The following TBXAS1 variants were observed in gnomAD, a reference collection of about 807,000 sequenced individuals.
TBXAS1 encodes the protein thromboxane A synthase 1.
Under a neutral mutation model 60.7 loss-of-function variants are expected in TBXAS1, and 48 were observed. The ratio of observed to expected loss-of-function variants is 0.79; its 90% CI spans 0.63 to 1.01. The LOEUF is 1.01. Among genes scored for constraint, TBXAS1 ranks in the 50% least tolerant of loss-of-function variants. The pLI is 0.00. For missense variants in TBXAS1, 685 were observed against 686.3 expected, an observed-to-expected ratio of 1.00 and a Z score of 0.02; for synonymous variants, 287 against 269.7, an observed-to-expected ratio of 1.06 and a Z score of -0.63.
At chr7:139,889,633 C>T (rs760818345) in intron 3 of TBXAS1, among the ~76,000 whole-genome samples, 2 of 152,304 alleles carry the variant, frequency 1.3e-5, no homozygotes, top group Admixed American at 1.3e-4. Flanking sequence ...AAGGAACCAA[C>T]AGATTCATTG....
rs201367497 is a variant in TBXAS1, at chr7:139,836,035, AAAATAAATAAAT to A, written c.89+6596_89+6607del. Among the ~76,000 whole-genome samples the A allele has an allele frequency of 9.6e-3, 1,343 of 140,378 alleles. 11 individuals are homozygous for A. Among genetic ancestry groups the A allele is most frequent in the South Asian group, 0.019 (84 of 4,400 alleles). The allele number at this position is 140,378 out of a possible 152,430, so 92.1% of individuals were successfully genotyped here. On this transcript the variant is annotated intron_variant, in intron 1 of 12. Transcript: ENST00000448866. ...GTCAACCCCTTTTACAATAGCTGCA[AAAATAAATAAAT>A]AAATAAATAAATAAATAAATAAATA...
chr7:139,901,822 G>A (rs1804605031), intron 3 of TBXAS1, among the ~76,000 whole-genome samples: 1 of 152,006 alleles, frequency 6.6e-6, no homozygotes, highest in Non-Finnish European at 1.5e-5. Context: ...ATCAGAATCT[G>A]AGAGCTGGTT....
intron 1 of TBXAS1, among the ~76,000 whole-genome samples, chr7:139,842,973 C>T (rs550547607): frequency 3.9e-5 from 6 of 152,338 alleles, no homozygotes; most frequent in African/African-American, 1.4e-4. Context: ...TCCACCAATG[C>T]CTTGTTTCCC....
chr7:139,869,847 C>T (rs1196882307), intron 1 of TBXAS1, among the ~76,000 whole-genome samples: 2 of 152,060 alleles, frequency 1.3e-5, no homozygotes, highest in Admixed American at 6.6e-5. Flanking sequence ...GGGTTAAGAA[C>T]GTGTTGAGAC....
intron 9 of TBXAS1, among the ~76,000 whole-genome samples, chr7:139,995,670 T>C (rs571238603): frequency 1.3e-5 from 2 of 152,340 alleles, no homozygotes; most frequent in South Asian, 2.1e-4. Flanking sequence ...TGTGAAGTTG[T>C]AGTCCTTTGA....
chr7:139,996,862 G>A (rs754876179), intron 9 of TBXAS1, among the ~76,000 whole-genome samples: 1 of 152,214 alleles, frequency 6.6e-6, no homozygotes, highest in Non-Finnish European at 1.5e-5. Context: ...TGCTGATAAG[G>A]CTTCTCTCTT....
Position 139,778,592 on chromosome 7 carries a change from G to C in TBXAS1, c.-318+121G>C, listed in dbSNP as rs1311892253. The C allele has an allele frequency of 6.6e-6, 1 of 152,330 alleles. No homozygotes were observed. The highest frequency in any genetic ancestry group is 1.5e-5 in the Non-Finnish European group (1 of 68,094). The allele number at this position is 152,330 out of a possible 1,614,324, so 9.4% of individuals were successfully genotyped here. On this transcript the variant is annotated intron_variant, in intron 1 of 16. Coordinates refer to the TBXAS1 transcript ENST00000336425. This position sits in a 1 kb window ranked among gnomAD's most constrained non-coding sequence, Gnocchi z 4.8. ...GAGGCACCGAAGCCCTGCCGTGCACGCCGCGGAAATGCAGCCCCCGGGGTG... is the reference window on the plus strand; with the variant it reads ...GAGGCACCGAAGCCCTGCCGTGCACCCCGCGGAAATGCAGCCCCCGGGGTG...
At chr7:139,792,155 G>A (rs1261233601) in intron 4 of TBXAS1, among the ~76,000 whole-genome samples, 3 of 152,144 alleles carry the variant, frequency 2.0e-5, no homozygotes, top group Non-Finnish European at 4.4e-5. Context: ...GAATATTCCT[G>A]TCCTAAAAGG....
At chr7:139,940,716 A>C (rs1446001391) in intron 5 of TBXAS1, among the ~76,000 whole-genome samples, 1 of 152,178 alleles carries the variant, frequency 6.6e-6, no homozygotes, top group Admixed American at 6.5e-5. Flanking sequence ...CTTCTGCTAG[A>C]TGGATGCTTC....
intron 9 of TBXAS1, among the ~76,000 whole-genome samples, chr7:139,984,932 G>GA (rs1475763365): frequency 4.0e-4 from 32 of 79,630 alleles, no homozygotes; most frequent in Non-Finnish European, 5.4e-4. Flanking sequence ...AGGAAAGAAA[G>GA]AAAGAAAGAA....
Position 139,916,688 on chromosome 7 carries a change from A to T in TBXAS1, c.333+5367A>T, listed in dbSNP as rs187263104. ...GACTAAAGTTATAGGCAAATTAGTC[A>T]CTGGAAACCTTCCTGTCCTCTGTAT... is the stretch of plus-strand genomic sequence containing the variant. On this transcript the variant is annotated intron_variant, in intron 4 of 12. Transcript: ENST00000448866. This position sits in a 1 kb window ranked among gnomAD's most constrained non-coding sequence, Gnocchi z 4.2. 1.3e-3 allele frequency among the ~76,000 whole-genome samples: 191 copies of T among 152,354 alleles called. 2 individuals carry two copies. The highest frequency in any genetic ancestry group is 4.4e-3 in the African/African-American group (183 of 41,582).
intron 9 of TBXAS1, among the ~76,000 whole-genome samples, chr7:139,984,630 GAGAGAGAGAGAGAA>G (rs1054604322): frequency 5.0e-5 from 6 of 119,354 alleles, no homozygotes; most frequent in African/African-American, 1.4e-4. Context: ...GAGAGAGAGA[GAGAGAGAGAGAGAA>G]AGAAAGAAAG....
intron 10 of TBXAS1, among the ~76,000 whole-genome samples, chr7:140,012,124 G>A (rs1353087292): frequency 6.6e-6 from 1 of 152,220 alleles, no homozygotes; most frequent in East Asian, 1.9e-4. Context: ...TTGCTACGTT[G>A]GGAGGGTATC....
rs5766 is a variant in TBXAS1, at chr7:139,911,325, C to T, written c.333+4C>T. 1,124 of 1,612,190 alleles carry T rather than the reference C, an allele frequency of 7.0e-4. 1 individual carries two copies. Among genetic ancestry groups the T allele is most frequent in the Non-Finnish European group, 9.2e-4 (1,079 of 1,178,272 alleles). On this transcript the variant is annotated splice_donor_region_variant and intron_variant, in intron 4 of 12. Transcript: ENST00000448866. The stretch of plus-strand genomic sequence containing the variant: ...CAGTAACTTTACCAACAGAATGGTA[C>T]GTAGTTTTCTTTCCGCATATAGATG...
intron 4 of TBXAS1, among the ~76,000 whole-genome samples, chr7:139,787,794 G>A (rs1052270187): frequency 6.6e-6 from 1 of 152,062 alleles, no homozygotes; most frequent in Non-Finnish European, 1.5e-5. Context: ...TCTTTTTCCT[G>A]TGGATTTCTT....
At position 139,993,627 on chromosome 7, in the gene TBXAS1, A is replaced by T. The variant is rs569910171; in HGVS notation, c.1135-13464A>T. On this transcript the variant is annotated intron_variant, in intron 9 of 12. Transcript: ENST00000448866. ...CACAATTTCTTATCAATTGAACACT[A>T]AAAATCCCATCTAGCTATGGGATGC... Among the ~76,000 whole-genome samples the T allele has an allele frequency of 2.0e-5, 3 of 152,292 alleles. No individual in the cohort carries two copies. The East Asian group carries it at 5.8e-4, about 29-fold the overall frequency.
At chr7:139,953,725 G>A (rs1584942402) in intron 6 of TBXAS1, among the ~76,000 whole-genome samples, 1 of 152,352 alleles carries the variant, frequency 6.6e-6, no homozygotes, top group African/African-American at 2.4e-5. Context: ...GGCAGGACAG[G>A]CCTGCGCCTA....
chr7:139,963,870 C>T (rs746351101), intron 9 of TBXAS1, among the ~76,000 whole-genome samples: 11 of 152,154 alleles, frequency 7.2e-5, no homozygotes, highest in East Asian at 3.8e-4. Flanking sequence ...TGCACAGGTC[C>T]GTTTCTCTCT....
intron 9 of TBXAS1, among the ~76,000 whole-genome samples, chr7:139,974,611 A>G (rs908663526): frequency 1.3e-5 from 2 of 152,214 alleles, no homozygotes; most frequent in Non-Finnish European, 2.9e-5. Flanking sequence ...GGGGATAGTA[A>G]CATTGTGTAG....
Sources: allele counts gnomAD v4.1 joint callset (sites outside exome capture counted in the v4.1 genomes callset), GRCh38; gene constraint gnomAD v4.1.1; non-coding constraint Gnocchi (gnomAD v3.1); transcripts MANE v1.5; gene names NCBI Gene and HGNC (gene_info 2026-07-23, HGNC 2026-07-21).